Variants in COPG2 observed in about 807,000 individuals in gnomAD.
The protein encoded by COPG2 is coat protein complex I subunit gamma 2, also known as coatomer subunit gamma-2.
COPG2 carries 37 observed loss-of-function variants against 46.3 expected under a neutral mutation model. The ratio of observed to expected loss-of-function variants is 0.80; its 90% confidence interval spans 0.61 to 1.05. The LOEUF (loss-of-function observed/expected upper bound fraction) is 1.05. Ranked by LOEUF, COPG2 falls within the 50% of genes least tolerant of loss-of-function variation. The pLI is 0.00. For synonymous variants in COPG2, 159 were observed against 129.7 expected (o/e 1.23, Z -1.53); for missense variants, 427 against 387.8 (o/e 1.10, Z -0.85).
At chr7:130,605,772 A>C (rs1249164416) in intron 9 of COPG2, 1 of 519,876 alleles carries the variant, frequency 1.9e-6, no homozygotes, top group African/African-American at 1.9e-5. Flanking sequence ...ACAGCACTCC[A>C]CCAACATCTT....
rs529351834 is a variant in COPG2 at position 130,514,283 on chromosome 7, G to A, written c.2150-5624C>T. Among the ~76,000 whole-genome samples the A allele has an allele frequency of 7.9e-4, 120 of 152,342 alleles. 1 individual carries two copies. The highest frequency in any genetic ancestry group is 5.4e-3 in the South Asian group (26 of 4,830). ...AGATCTTTGAGTAGTTTGTAGAATG[G>A]ATGACTAATATTGGAAGAGGAGTGG... On this transcript the variant is annotated intron_variant, in intron 20 of 23. Coordinates refer to ENST00000425248, the MANE Select transcript of COPG2 (RefSeq NM_012133.6).
chr7:130,532,886 C>A (rs1170133213), intron 20 of COPG2, among the ~76,000 whole-genome samples: 1 of 152,124 alleles, frequency 6.6e-6, no homozygotes, highest in Admixed American at 6.5e-5. Flanking sequence ...CACCTGAGAA[C>A]ATGAATTAGG....
chr7:130,566,066 A>G (rs1793798150), intron 9 of COPG2, among the ~76,000 whole-genome samples: 1 of 151,938 alleles, frequency 6.6e-6, no homozygotes, highest in African/African-American at 2.4e-5. Flanking sequence ...TTTGATTTAG[A>G]AAAAACATTA....
At chr7:130,560,324 A>C (rs1793698497) in intron 12 of COPG2, among the ~76,000 whole-genome samples, 1 of 152,184 alleles carries the variant, frequency 6.6e-6, no homozygotes, top group Non-Finnish European at 1.5e-5. Flanking sequence ...ACTACAAAAC[A>C]CTGCTCAGAG....
intron 4 of COPG2, among the ~76,000 whole-genome samples, chr7:130,656,348 G>C (rs1795853082): frequency 6.6e-6 from 1 of 151,968 alleles, no homozygotes; most frequent in Admixed American, 6.6e-5. Flanking sequence ...AAATAAAAGA[G>C]AGAAAATACA....
At chr7:130,507,886 A>AC in intron 21 of COPG2, 63 bp from the exon 22 acceptor site, 1 of 758,934 alleles carries the variant, frequency 1.3e-6, no homozygotes, top group Non-Finnish European at 2.4e-6. Context: ...AGATAAAGGA[A>AC]CTAGTCAATA....
chr7:130,646,929 G>GTA (rs1236164186), intron 5 of COPG2, among the ~76,000 whole-genome samples: 46 of 103,032 alleles, frequency 4.5e-4, no homozygotes, highest in South Asian at 4.1e-3. Flanking sequence ...GTTTGTGTGT[G>GTA]TATATATATA....
chr7:130,659,866 C>A (rs995511391), intron 4 of COPG2, among the ~76,000 whole-genome samples: 3 of 152,100 alleles, frequency 2.0e-5, no homozygotes, highest in Admixed American at 6.6e-5. Context: ...GAGCCAAGAT[C>A]GCGCCACTGC....
At chr7:130,544,367 A>G (rs927534081) in intron 20 of COPG2, among the ~76,000 whole-genome samples, 1 of 152,198 alleles carries the variant, frequency 6.6e-6, no homozygotes, top group Non-Finnish European at 1.5e-5. Flanking sequence ...TCAAGAAATT[A>G]AAATAATTAT....
intron 20 of COPG2, chr7:130,509,316 A>C (rs374405410): frequency 1.4e-4 from 72 of 509,834 alleles, no homozygotes; most frequent in African/African-American, 1.2e-3. Flanking sequence ...AGGTGGGGGT[A>C]CATTTTTGGA....
At chr7:130,633,830 T>C (rs919490080) in intron 5 of COPG2, among the ~76,000 whole-genome samples, 2 of 152,244 alleles carry the variant, frequency 1.3e-5, no homozygotes, top group African/African-American at 2.4e-5. Flanking sequence ...CGAGGTTTTC[T>C]TCTAGGGTTT....
chr7:130,560,065 T>TA (rs1793692868), intron 12 of COPG2, among the ~76,000 whole-genome samples: 1 of 152,166 alleles, frequency 6.6e-6, no homozygotes, highest in South Asian at 2.1e-4. Flanking sequence ...TATAAAGAAG[T>TA]AAAACTGCCT....
chr7:130,581,831 CT>C (rs1401379956), intron 9 of COPG2, among the ~76,000 whole-genome samples: 4 of 140,706 alleles, frequency 2.8e-5, no homozygotes, highest in Non-Finnish European at 6.2e-5. Flanking sequence ...CAAACCACTG[CT>C]CAAGGAAATA....
intron 20 of COPG2, among the ~76,000 whole-genome samples, chr7:130,527,905 A>T (rs1475997390): frequency 1.3e-5 from 2 of 152,004 alleles, no homozygotes; most frequent in Non-Finnish European, 2.9e-5. Context: ...AGACTCAAGG[A>T]CTCAGGTGGA....
rs1793768835 is a variant in COPG2 at position 130,564,391 on chromosome 7, T to C, written c.740A>G (p.His247Arg). Residue 247 changes from histidine (H) to arginine (R), a missense_variant and splice_region_variant, in exon 10 of 24, where the codon CAT (histidine) becomes CGT (arginine). Physicochemically the swap from His to Arg is conservative, Grantham distance 29. Transcript: ENST00000425248. ...SRLLKETEDG[H>R]ESPLFDFIES... ...AATGAAATCAAACAGTGGACTTTCA[T>C]GGCTGCCAATAAATATTTATAGGCC... 1.5e-5 allele frequency: 6 copies of C among 398,590 alleles called. No homozygotes were observed. The highest frequency in any genetic ancestry group is 4.4e-5 in the Admixed American group (1 of 22,732). 24.7% of individuals were successfully genotyped at this position (398,590 alleles called of 1,614,324 possible).
At chr7:130,634,998 G>A (rs1324020839) in intron 5 of COPG2, among the ~76,000 whole-genome samples, 1 of 150,934 alleles carries the variant, frequency 6.6e-6, no homozygotes, top group Non-Finnish European at 1.5e-5. Flanking sequence ...CTCTGTTTAT[G>A]TGATGGATTA....
chr7:130,647,823 C>T (rs577409847), intron 5 of COPG2, among the ~76,000 whole-genome samples: 3 of 151,722 alleles, frequency 2.0e-5, no homozygotes, highest in South Asian at 4.2e-4. Flanking sequence ...CTCCGCCTCC[C>T]GGGTTCAAGC....
chr7:130,507,534 C>A, intron 22 of COPG2, 151 bp downstream of exon 22: 1 of 659,252 alleles, frequency 1.5e-6, no homozygotes, highest in South Asian at 1.8e-5. Context: ...AATGGCTGAT[C>A]AATTAGATGA....
At chr7:130,600,201 T>C (rs1794608836) in intron 9 of COPG2, among the ~76,000 whole-genome samples, 1 of 152,142 alleles carries the variant, frequency 6.6e-6, no homozygotes, top group South Asian at 2.1e-4. Flanking sequence ...ACAAGTTCAT[T>C]CCTGTTATAT....
Sources: allele counts gnomAD v4.1 joint callset (sites outside exome capture counted in the v4.1 genomes callset), GRCh38; gene constraint gnomAD v4.1.1; transcripts MANE v1.5; gene names NCBI Gene and HGNC (gene_info 2026-07-23, HGNC 2026-07-21).